Variants in GFPT2 observed in about 807,000 individuals in gnomAD.
GFPT2 encodes the protein glutamine--fructose-6-phosphate transaminase 2.
In GFPT2, 62 loss-of-function variants were observed where a neutral mutation model predicts 85.6. The ratio of observed to expected loss-of-function variants is 0.72; its 90% CI spans 0.59 to 0.90. GFPT2 has a LOEUF of 0.90. Among genes scored for constraint, GFPT2 ranks in the 40% least tolerant of loss-of-function variants. The pLI, the probability that GFPT2 is intolerant of heterozygous loss-of-function variation, is 0.00. For missense variants in GFPT2, 788 were observed against 893.4 expected (o/e 0.88, Z 1.50); for synonymous variants, 368 against 344.5 (o/e 1.07, Z -0.75).
chr5:180,329,613 G>A (rs1764270351), intron 6 of GFPT2, among the ~76,000 whole-genome samples: 1 of 152,150 alleles, frequency 6.6e-6, no homozygotes, highest in Non-Finnish European at 1.5e-5. Flanking sequence ...GGGAGTTAGA[G>A]GACAAAAAGG....
At chr5:180,304,408 C>T (rs1222442288) in intron 17 of GFPT2, among the ~76,000 whole-genome samples, 1 of 152,180 alleles carries the variant, frequency 6.6e-6, no homozygotes, top group Non-Finnish European at 1.5e-5. Context: ...TGTGCCCCTG[C>T]CCTATGAGAC....
In GFPT2 at chr5:180,302,483, G is replaced by C. The variant is rs745403193; in HGVS notation, c.1944C>G (p.Ile648Met). The C allele has an allele frequency of 6.2e-7, 1 of 1,614,106 alleles. No individual in the cohort carries two copies. The highest frequency in any genetic ancestry group is 8.5e-7 in the Non-Finnish European group (1 of 1,179,992). The part of the protein sequence containing the change: ...LPHTVDCLQG[I>M]LSVIPLQLLS... ...GCAGCTGCAGCGGAATCACGCTCAG[G>C]ATGCCCTGGAGGCAGTCCACAGTGT... The change falls in exon 18 of 19, where the codon ATC becomes ATG. Residue 648 changes from isoleucine to methionine, a missense_variant. By Grantham distance (10) the Ile-to-Met change is conservative. Transcript: ENST00000253778.
At chr5:180,350,801 T>C (rs555056433) in intron 1 of GFPT2, among the ~76,000 whole-genome samples, 1 of 152,352 alleles carries the variant, frequency 6.6e-6, no homozygotes, top group South Asian at 2.1e-4. Flanking sequence ...GATCAACTAC[T>C]GCCGAGTCCT....
intron 1 of GFPT2, among the ~76,000 whole-genome samples, chr5:180,339,860 C>T (rs1183370437): frequency 1.3e-5 from 2 of 152,234 alleles, no homozygotes; most frequent in Admixed American, 1.3e-4. Context: ...GTGTTGGCAC[C>T]CAGTCCTGTT....
intron 4 of GFPT2, among the ~76,000 whole-genome samples, chr5:180,333,648 T>C (rs1764348638): frequency 6.6e-6 from 1 of 152,258 alleles, no homozygotes; most frequent in African/African-American, 2.4e-5. Flanking sequence ...TGCAGAATCT[T>C]TGTGTAATTT....
intron 14 of GFPT2, among the ~76,000 whole-genome samples, chr5:180,312,784 ATTTTGT>A (rs1763918675): frequency 6.6e-6 from 1 of 151,594 alleles, no homozygotes. Context: ...ATTTATTTCT[ATTTTGT>A]TTTTGAGACA....
chr5:180,305,348 T>C (rs1401139872), intron 16 of GFPT2, among the ~76,000 whole-genome samples: 1 of 152,212 alleles, frequency 6.6e-6, no homozygotes, highest in Non-Finnish European at 1.5e-5. Flanking sequence ...AATTATCTGA[T>C]TAAGCATTTG....
chr5:180,325,680 C>T lies in GFPT2; in HGVS notation c.597-785G>A, dbSNP rs79118574. ...TCAGCAGGGGATCTTTAGGAAAGAG[C>T]TTTAGGATATTTCCTCTGATTCACA... On this transcript the variant is annotated intron_variant, in intron 7 of 18. Coordinates refer to ENST00000253778, the MANE Select transcript of GFPT2 (RefSeq NM_005110.4). Among the ~76,000 whole-genome samples, 1,350 of 152,294 alleles carry T rather than the reference C, an allele frequency of 8.9e-3. 21 individuals are homozygous for T. Among genetic ancestry groups the T allele is most frequent in the African/African-American group, 0.031 (1,285 of 41,560 alleles).
chr5:180,317,299 A>G (rs781777038), intron 10 of GFPT2, among the ~76,000 whole-genome samples: 4 of 152,228 alleles, frequency 2.6e-5, no homozygotes, highest in African/African-American at 4.8e-5. Flanking sequence ...GCATGCAAGT[A>G]ACAAATGGCC....
chr5:180,347,240 A>G (rs1290733605), intron 1 of GFPT2, among the ~76,000 whole-genome samples: 1 of 152,234 alleles, frequency 6.6e-6, no homozygotes, highest in East Asian at 1.9e-4. Context: ...CTTTCTAAAG[A>G]AAAGGAGCAC....
intron 1 of GFPT2, among the ~76,000 whole-genome samples, chr5:180,351,486 G>A (rs775515768): frequency 1.4e-5 from 2 of 147,982 alleles, no homozygotes; most frequent in African/African-American, 4.9e-5. Context: ...AAGCCAGCAC[G>A]CACTCTTTGA....
At chr5:180,312,043 C>T (rs1312001559) in intron 15 of GFPT2, among the ~76,000 whole-genome samples, 1 of 95,126 alleles carries the variant, frequency 1.1e-5, no homozygotes, top group African/African-American at 4.3e-5. Context: ...GGTGGGGAGG[C>T]TGAGGGGCAG....
chr5:180,326,431 G>A (rs868236526), intron 7 of GFPT2, among the ~76,000 whole-genome samples: 2 of 152,168 alleles, frequency 1.3e-5, no homozygotes, highest in Non-Finnish European at 2.9e-5. Context: ...TCATCGGCTT[G>A]AATCCAGTCC....
At chr5:180,337,917 C>T (rs1002584475) in intron 2 of GFPT2, among the ~76,000 whole-genome samples, 30 of 152,188 alleles carry the variant, frequency 2.0e-4, no homozygotes, top group African/African-American at 7.0e-4. Context: ...GAGGCAAAGG[C>T]AGGAGGATCG....
chr5:180,341,862 A>G (rs1037951553), intron 1 of GFPT2, among the ~76,000 whole-genome samples: 2 of 152,130 alleles, frequency 1.3e-5, no homozygotes, highest in Admixed American at 1.3e-4. Flanking sequence ...CAGCCCCCAA[A>G]CATCTGGGCA....
intron 1 of GFPT2, among the ~76,000 whole-genome samples, chr5:180,346,422 G>A (rs866384339): frequency 3.3e-5 from 5 of 152,258 alleles, no homozygotes; most frequent in East Asian, 1.9e-4. Context: ...GCCCCACCAC[G>A]GGACAGTCCA....
rs956770940 is a variant in GFPT2, at chr5:180,323,535, C to CCT, written c.794+651_794+652dup. 6.0e-5 allele frequency among the ~76,000 whole-genome samples: 9 copies of CCT among 150,450 alleles called. No individual in the cohort carries two copies. The highest frequency in any genetic ancestry group is 1.0e-4 in the Non-Finnish European group (7 of 67,542). On this transcript the variant is annotated intron_variant, in intron 9 of 18. Transcript: ENST00000253778. This position sits in a 1 kb window ranked among gnomAD's most constrained non-coding sequence, Gnocchi z 4.0. ...GGAAAGTGCTCTGGTTCTCTCTCTC[C>CCT]CTCTCTCTCTCTCTGTGTGTGTGTG...
intron 4 of GFPT2, among the ~76,000 whole-genome samples, chr5:180,335,345 G>A (rs1350831369): frequency 6.6e-6 from 1 of 152,220 alleles, no homozygotes; most frequent in Non-Finnish European, 1.5e-5. Context: ...GGGGCCCACG[G>A]TGTGTCTGGT....
intron 1 of GFPT2, among the ~76,000 whole-genome samples, chr5:180,346,977 C>A (rs143496015): frequency 6.6e-6 from 1 of 152,342 alleles, no homozygotes; most frequent in Non-Finnish European, 1.5e-5. Flanking sequence ...TGGAAATCTC[C>A]TTGCAGAACT....
Sources: allele counts gnomAD v4.1 joint callset (sites outside exome capture counted in the v4.1 genomes callset), GRCh38; gene constraint gnomAD v4.1.1; non-coding constraint Gnocchi (gnomAD v3.1); transcripts MANE v1.5; gene names NCBI Gene and HGNC (gene_info 2026-07-23, HGNC 2026-07-21).